The following ATRNL1 variants were observed in gnomAD, a reference collection of about 807,000 sequenced individuals.
ATRNL1 encodes attractin like 1.
ATRNL1 carries 95 observed loss-of-function variants against 182.7 expected under a neutral mutation model. That is an observed-to-expected ratio of 0.52 (90% CI 0.44 to 0.62). The LOEUF (loss-of-function observed/expected upper bound fraction) is 0.62, where lower values mean the gene tolerates loss of function less well. Among genes scored for constraint, ATRNL1 ranks in the 20% least tolerant of loss-of-function variants. The pLI, the probability that ATRNL1 is intolerant of heterozygous loss-of-function variation, is 0.00. For missense variants in ATRNL1, 1,471 were observed against 1,679.5 expected (o/e 0.88, Z 2.17); for synonymous variants, 576 against 568.3 (o/e 1.01, Z -0.19).
At chr10:115,438,237 C>A (rs1051849822) in intron 21 of ATRNL1, among the ~76,000 whole-genome samples, 2 of 151,934 alleles carry the variant, frequency 1.3e-5, no homozygotes, top group Non-Finnish European at 2.9e-5. Flanking sequence ...TATTTGTCAT[C>A]CTAACATGCC....
intron 13 of ATRNL1, among the ~76,000 whole-genome samples, chr10:115,280,991 T>C (rs1300909387): frequency 1.3e-5 from 2 of 152,226 alleles, no homozygotes; most frequent in African/African-American, 4.8e-5. Flanking sequence ...CTTTGCCTAA[T>C]GCCATTGTGT....
intron 10 of ATRNL1, among the ~76,000 whole-genome samples, chr10:115,261,838 C>T (rs2133871376): frequency 6.6e-6 from 1 of 151,986 alleles, no homozygotes; most frequent in African/African-American, 2.4e-5. Context: ...TTTAGTCCAG[C>T]CTAGGCAATA....
intron 10 of ATRNL1, among the ~76,000 whole-genome samples, chr10:115,242,904 A>G (rs1180650387): frequency 6.6e-6 from 1 of 152,086 alleles, no homozygotes; most frequent in Non-Finnish European, 1.5e-5. Context: ...TAGGAGGCTC[A>G]TGAATCATTG....
chr10:115,657,883 G>A (rs1305605546), intron 26 of ATRNL1, among the ~76,000 whole-genome samples: 1 of 151,948 alleles, frequency 6.6e-6, no homozygotes, highest in African/African-American at 2.4e-5. Context: ...TACATAAAAT[G>A]TATCCTAACT....
intron 28 of ATRNL1, among the ~76,000 whole-genome samples, chr10:115,907,662 A>G (rs1422288588): frequency 6.6e-6 from 1 of 152,202 alleles, no homozygotes; most frequent in African/African-American, 2.4e-5. Flanking sequence ...AAGCAGGATC[A>G]TTGCAGAATA....
At chr10:115,468,722 G>A (rs1225595916) in intron 23 of ATRNL1, among the ~76,000 whole-genome samples, 3 of 150,654 alleles carry the variant, frequency 2.0e-5, no homozygotes, top group Non-Finnish European at 4.5e-5. Context: ...TGAGACACAC[G>A]AAAATATGGT....
intron 25 of ATRNL1, among the ~76,000 whole-genome samples, chr10:115,540,324 G>A (rs1554991629): frequency 6.6e-6 from 1 of 152,062 alleles, no homozygotes; most frequent in African/African-American, 2.4e-5. Flanking sequence ...GACTCAAGAA[G>A]CACTTCAAAA....
intron 27 of ATRNL1, among the ~76,000 whole-genome samples, chr10:115,800,724 T>A (rs1001231595): frequency 6.6e-6 from 1 of 152,176 alleles, no homozygotes; most frequent in Non-Finnish European, 1.5e-5. Context: ...TAGGTTTAGA[T>A]GAGGTCATGA....
At chr10:115,168,413 C>G (rs2144067886) in intron 7 of ATRNL1, among the ~76,000 whole-genome samples, 1 of 152,224 alleles carries the variant, frequency 6.6e-6, no homozygotes, top group East Asian at 1.9e-4. Context: ...GTTGCTGCAT[C>G]ATTTTACATT....
At chr10:115,318,434 A>C (rs574196298) in intron 18 of ATRNL1, among the ~76,000 whole-genome samples, 1 of 152,048 alleles carries the variant, frequency 6.6e-6, no homozygotes, top group Admixed American at 6.6e-5. Flanking sequence ...TCTCCCTTTC[A>C]GTTGTTTGGA....
intron 26 of ATRNL1, among the ~76,000 whole-genome samples, chr10:115,688,122 C>T (rs1555046904): frequency 1.3e-5 from 2 of 152,064 alleles, no homozygotes. Flanking sequence ...CAGTTCCATC[C>T]ATGTTGCTGG....
intron 26 of ATRNL1, among the ~76,000 whole-genome samples, chr10:115,561,458 A>G (rs1461148595): frequency 6.6e-6 from 1 of 152,214 alleles, no homozygotes; most frequent in African/African-American, 2.4e-5. Context: ...AACAATAAAT[A>G]TAAATAAAAA....
intron 26 of ATRNL1, among the ~76,000 whole-genome samples, chr10:115,678,928 C>T (rs782361924): frequency 2.0e-5 from 3 of 152,050 alleles, no homozygotes; most frequent in African/African-American, 7.2e-5. Flanking sequence ...TCACTCCAAA[C>T]CCAATAGACA....
chr10:115,634,378 A>C (rs79103043), intron 26 of ATRNL1, among the ~76,000 whole-genome samples: 2,838 of 152,286 alleles, frequency 0.019, 105 homozygotes, highest in African/African-American at 0.065. Context: ...TGGTTCAAAC[A>C]ATGGTGATAC....
At chr10:115,722,209 CATT>C (rs756563207) in intron 26 of ATRNL1, among the ~76,000 whole-genome samples, 21 of 151,618 alleles carry the variant, frequency 1.4e-4, no homozygotes, top group South Asian at 6.3e-4. Flanking sequence ...TAAGTTAACA[CATT>C]ATGTCAAACA....
At chr10:115,892,542 A>T (rs1952105135) in intron 28 of ATRNL1, among the ~76,000 whole-genome samples, 1 of 152,208 alleles carries the variant, frequency 6.6e-6, no homozygotes, top group South Asian at 2.1e-4. Context: ...CATGCTGATG[A>T]TACATATCTT....
At chr10:115,237,746 T>G (rs894081215) in intron 9 of ATRNL1, among the ~76,000 whole-genome samples, 1 of 152,196 alleles carries the variant, frequency 6.6e-6, no homozygotes, top group Non-Finnish European at 1.5e-5. Flanking sequence ...AAATTATGAC[T>G]TTTTTCTTTC....
rs1592886862 is a variant in ATRNL1 at position 115,580,012 on chromosome 10, C to T, written c.3795+30476C>T. Among the ~76,000 whole-genome samples, 5 of 151,992 alleles carry T rather than the reference C, an allele frequency of 3.3e-5. No homozygotes were observed. In the South Asian group the frequency reaches 1.0e-3, roughly 31 times the overall value. On this transcript the variant is annotated intron_variant, in intron 26 of 28. Transcript: ENST00000355044. ...ACTGCTTTTACCTTTCCTCTCCTCA[C>T]ATTATACACTGCTGATGTCACAATT...
rs145796619 is a variant in ATRNL1, at chr10:115,379,420, G to A, written c.3176-15239G>A. On this transcript the variant is annotated intron_variant, in intron 19 of 28. Transcript: ENST00000355044. ...CACAATGAGCTCACAAAAAGTTAGC[G>A]TCTTAGAAATTATTGAATTTACTGT... Among the ~76,000 whole-genome samples the A allele has an allele frequency of 1.5e-3, 225 of 152,266 alleles. 2 individuals are homozygous for A. Among genetic ancestry groups the A allele is most frequent in the Non-Finnish European group, 1.9e-3 (129 of 68,018 alleles).
Sources: gnomAD v4.1 joint callset for allele counts (sites outside exome capture counted in the v4.1 genomes callset) on GRCh38, gnomAD v4.1.1 for gene constraint, MANE v1.5 for transcripts, NCBI Gene and HGNC (gene_info 2026-07-23, HGNC 2026-07-21) for gene names.